Variants in GUCY1A1 observed in about 807,000 individuals in gnomAD.
GUCY1A1 encodes the protein guanylate cyclase soluble subunit alpha-1.
Under a neutral mutation model 64.5 loss-of-function variants are expected in GUCY1A1, and 48 were observed. The observed-to-expected ratio is 0.74, with a 90% CI of 0.59 to 0.95. The LOEUF (loss-of-function observed/expected upper bound fraction) is 0.95, where lower values mean the gene tolerates loss of function less well. GUCY1A1 is among the 40% of genes least tolerant of loss of function. The pLI, the probability that GUCY1A1 is intolerant of heterozygous loss-of-function variation, is 0.00. For synonymous variants in GUCY1A1, 308 were observed against 303.4 expected, an observed-to-expected ratio of 1.02 and a Z score of -0.16; for missense variants, 804 against 825.3, an observed-to-expected ratio of 0.97 and a Z score of 0.32.
At chr4:155,699,430 T>C (rs189005592) in intron 3 of GUCY1A1, among the ~76,000 whole-genome samples, 15 of 152,312 alleles carry the variant, frequency 9.8e-5, no homozygotes, top group African/African-American at 3.4e-4. Flanking sequence ...TAAAATTGTA[T>C]ATAAAAAATT....
intron 2 of GUCY1A1, among the ~76,000 whole-genome samples, chr4:155,679,942 C>A (rs1156263531): frequency 1.3e-5 from 2 of 152,156 alleles, no homozygotes; most frequent in Non-Finnish European, 2.9e-5. Context: ...CAAACTGATA[C>A]CTCACTTTCT....
At chr4:155,674,878 C>G (rs1216037619) in intron 2 of GUCY1A1, among the ~76,000 whole-genome samples, 2 of 151,570 alleles carry the variant, frequency 1.3e-5, no homozygotes, top group South Asian at 2.1e-4. Context: ...TTTATTATCA[C>G]TATCGAGTTT....
chr4:155,723,482 T>G (rs1734238270), intron 9 of GUCY1A1, among the ~76,000 whole-genome samples: 1 of 152,176 alleles, frequency 6.6e-6, no homozygotes, highest in African/African-American at 2.4e-5. Flanking sequence ...ATATCTTTCA[T>G]GTACATTTTG....
At chr4:155,683,987 G>A (rs1227715300) in intron 2 of GUCY1A1, among the ~76,000 whole-genome samples, 1 of 152,138 alleles carries the variant, frequency 6.6e-6, no homozygotes, top group Non-Finnish European at 1.5e-5. Context: ...TGGGGTTTGA[G>A]CCACATCACT....
At chr4:155,687,395 T>C (rs1729138797) in intron 2 of GUCY1A1, among the ~76,000 whole-genome samples, 1 of 152,184 alleles carries the variant, frequency 6.6e-6, no homozygotes, top group Admixed American at 6.5e-5. Context: ...ATTATGGACC[T>C]ATGGATGCTA....
chr4:155,713,219 T>A lies in GUCY1A1; in HGVS notation c.1208T>A (p.Ile403Asn). Residue 403 changes from isoleucine (I) to asparagine (N), a missense_variant, in exon 7 of 10, where the codon ATC (isoleucine) becomes AAC (asparagine). By Grantham distance (149) the Ile-to-Asn change is moderately radical (BLOSUM62 -3). Transcript: ENST00000506455. ...GGACGAGGGCTCTACCTCTCAGACATCCCAATTCACAATGCACTGAGGGAT... is the reference window on the plus strand; with the variant it reads ...GGACGAGGGCTCTACCTCTCAGACAACCCAATTCACAATGCACTGAGGGAT... The part of the protein sequence containing the change: ...FTGRGLYLSD[I>N]PIHNALRDVV... 6.2e-7 allele frequency: 1 copy of A among 1,614,064 alleles called. No individual in the cohort carries two copies. Among genetic ancestry groups the A allele is most frequent in the Non-Finnish European group, 8.5e-7 (1 of 1,179,986 alleles).
In GUCY1A1 at chr4:155,734,898, G is replaced by C. The variant is rs1297356061; in HGVS notation, c.*4667G>C. 6.6e-6 allele frequency: 1 copy of C among 151,898 alleles called. No individual in the cohort carries two copies. The highest frequency in any genetic ancestry group is 2.4e-5 in the African/African-American group (1 of 41,376). The allele number at this position is 151,898 out of a possible 1,614,324, so 9.4% of individuals were successfully genotyped here. On this transcript the variant is annotated 3_prime_UTR_variant, in exon 10 of 10. Coordinates refer to ENST00000506455, the MANE Select transcript of GUCY1A1 (RefSeq NM_001130682.3). ...AATATTTGTATCCTTTAGTGAAAAG[G>C]GGAAGAATCAATTACTGAAAGCCAT...
At chr4:155,708,486 T>G (rs188701075) in intron 5 of GUCY1A1, among the ~76,000 whole-genome samples, 192 bp downstream of exon 5, 70 of 152,340 alleles carry the variant, frequency 4.6e-4, no homozygotes, top group African/African-American at 1.6e-3. Flanking sequence ...TTTTCTCTGT[T>G]TATGTTTACT....
chr4:155,709,801 C>A (rs1233232783), intron 5 of GUCY1A1, among the ~76,000 whole-genome samples: 2 of 152,126 alleles, frequency 1.3e-5, no homozygotes, highest in Admixed American at 1.3e-4. Flanking sequence ...CCACTGCACT[C>A]CAGCCTGGGC....
rs1266400623 is a variant in GUCY1A1, at chr4:155,708,237, A to G, written c.319A>G (p.Lys107Glu). The change falls in exon 5 of 10, where the codon AAA (lysine) becomes GAA (glutamate). Residue 107 changes from lysine to glutamate, a missense_variant and splice_region_variant. Coordinates refer to ENST00000506455, the MANE Select transcript of GUCY1A1 (RefSeq NM_001130682.3). ...CTTAAAATATTGAAATATTTCCAGGAAATCTTTGGAAAGAGAAGACTTTGA... is the reference window on the plus strand; with the variant it reads ...CTTAAAATATTGAAATATTTCCAGGGAATCTTTGGAAAGAGAAGACTTTGA... ...LAKHKIKESR[K>E]SLEREDFEKT... 1 of 1,432,984 alleles carries G rather than the reference A, an allele frequency of 7.0e-7. No homozygotes were observed. The highest frequency in any genetic ancestry group is 1.2e-5 in the South Asian group (1 of 86,636). The allele number at this position is 1,432,984 out of a possible 1,614,324, so 88.8% of individuals were successfully genotyped here. A position where few individuals can be genotyped will look rare whatever the true frequency, so the allele number is the denominator to read the frequency against.
chr4:155,687,841 A>G (rs534362205), intron 2 of GUCY1A1, among the ~76,000 whole-genome samples: 25 of 152,218 alleles, frequency 1.6e-4, no homozygotes, highest in Middle Eastern at 3.4e-3. Flanking sequence ...CATGGCACCT[A>G]CATTTATGTG....
chr4:155,702,276 G>T (rs1049105753), intron 3 of GUCY1A1, among the ~76,000 whole-genome samples: 2 of 152,112 alleles, frequency 1.3e-5, no homozygotes, highest in African/African-American at 2.4e-5. Context: ...AATGTATTTT[G>T]CAGGAACAAA....
At chr4:155,698,169 G>A (rs1730655583) in intron 3 of GUCY1A1, among the ~76,000 whole-genome samples, 1 of 152,178 alleles carries the variant, frequency 6.6e-6, no homozygotes, top group African/African-American at 2.4e-5. Context: ...AAAGGGTAGA[G>A]CAATTAATTC....
chr4:155,704,050 C>T (rs764285006), intron 4 of GUCY1A1, 57 bp downstream of exon 4: 79 of 973,974 alleles, frequency 8.1e-5, no homozygotes, highest in Non-Finnish European at 1.1e-4. Context: ...AATACTGCTA[C>T]TAATGGCCAG....
In GUCY1A1 at chr4:155,736,614, T is replaced by C. The variant is rs1331251633; in HGVS notation, c.*6383T>C. Reference sequence around the variant, plus strand: ...GATTTTTGGGTTAGATGAGACCACTTTTGATTTTTGAGGAATAAAAGGAGT... The same window carrying C: ...GATTTTTGGGTTAGATGAGACCACTCTTGATTTTTGAGGAATAAAAGGAGT... On this transcript the variant is annotated 3_prime_UTR_variant, in exon 10 of 10. Transcript: ENST00000506455. 6.6e-6 allele frequency: 1 copy of C among 151,980 alleles called. No individual in the cohort carries two copies. The highest frequency in any genetic ancestry group is 2.4e-5 in the African/African-American group (1 of 41,412). The allele number at this position is 151,980 out of a possible 1,614,324, so 9.4% of individuals were successfully genotyped here.
At chr4:155,671,882 C>G (rs933530796) in intron 2 of GUCY1A1, among the ~76,000 whole-genome samples, 7 of 151,998 alleles carry the variant, frequency 4.6e-5, no homozygotes, top group African/African-American at 1.7e-4. Context: ...GGGCTTTTCT[C>G]TTTTGGATGC....
intron 9 of GUCY1A1, among the ~76,000 whole-genome samples, chr4:155,723,984 C>T (rs114168624): frequency 5.9e-4 from 90 of 152,134 alleles, no homozygotes; most frequent in Non-Finnish European, 1.2e-3. Flanking sequence ...AAGGCACCAG[C>T]ATCCTTTCCT....
intron 2 of GUCY1A1, among the ~76,000 whole-genome samples, chr4:155,681,686 A>T (rs719814): frequency 0.19 from 28,676 of 152,076 alleles, 2,916 homozygotes; most frequent in Middle Eastern, 0.27. Flanking sequence ...TCATAGTCAT[A>T]ATACTTTCTC....
intron 3 of GUCY1A1, among the ~76,000 whole-genome samples, chr4:155,700,549 T>C (rs1032965577): frequency 1.3e-5 from 2 of 152,178 alleles, no homozygotes; most frequent in African/African-American, 4.8e-5. Flanking sequence ...TCATATATGG[T>C]ATATTTGTGG....
Sources: gnomAD v4.1 joint callset for allele counts (sites outside exome capture counted in the v4.1 genomes callset) on GRCh38, gnomAD v4.1.1 for gene constraint, MANE v1.5 for transcripts, NCBI Gene and HGNC (gene_info 2026-07-23, HGNC 2026-07-21) for gene names.